Variants in BICC1 observed in about 807,000 individuals in gnomAD.
BICC1 encodes BicC family RNA binding protein 1.
Under a neutral mutation model 111.0 loss-of-function variants are expected in BICC1, and 43 were observed. The observed-to-expected ratio is 0.39, with a 90% CI of 0.30 to 0.50. The LOEUF (loss-of-function observed/expected upper bound fraction) is 0.50, where lower values mean the gene tolerates loss of function less well. Ranked by LOEUF, BICC1 falls within the 20% of genes least tolerant of loss-of-function variation. The pLI is 0.88. For synonymous variants in BICC1, 467 were observed against 434.4 expected (o/e 1.07, Z -0.93); for missense variants, 1,091 against 1,203.2 (o/e 0.91, Z 1.38).
chr10:58,799,345 G>A, intron 12 of BICC1, 93 bp downstream of exon 12: 13 of 961,070 alleles, frequency 1.4e-5, no homozygotes, highest in Non-Finnish European at 1.9e-5. Flanking sequence ...ATGTGTGTGT[G>A]TGATCTCTGC....
At chr10:58,600,726 G>C (rs967861157) in intron 1 of BICC1, among the ~76,000 whole-genome samples, 3 of 152,028 alleles carry the variant, frequency 2.0e-5, no homozygotes, top group African/African-American at 4.8e-5. Flanking sequence ...AGCCTGCTCA[G>C]TGTGCAGGTA....
At chr10:58,682,869 C>T (rs1316888937) in intron 2 of BICC1, among the ~76,000 whole-genome samples, 1 of 152,128 alleles carries the variant, frequency 6.6e-6, no homozygotes, top group East Asian at 1.9e-4. Context: ...TTGCTGTGTG[C>T]AGAAGATATT....
At chr10:58,581,133 T>C (rs1425324295) in intron 1 of BICC1, among the ~76,000 whole-genome samples, 3 of 152,170 alleles carry the variant, frequency 2.0e-5, no homozygotes, top group Non-Finnish European at 2.9e-5. Flanking sequence ...AATAAGAATC[T>C]CTTTGTAGCT....
intron 17 of BICC1, among the ~76,000 whole-genome samples, chr10:58,809,954 A>G (rs987057838): frequency 6.6e-6 from 1 of 152,228 alleles, no homozygotes; most frequent in African/African-American, 2.4e-5. Flanking sequence ...CCATAGTTTT[A>G]TGAACATAAG....
chr10:58,544,765 TG>T (rs1345993585), intron 1 of BICC1, among the ~76,000 whole-genome samples: 1 of 152,162 alleles, frequency 6.6e-6, no homozygotes, highest in Non-Finnish European at 1.5e-5. Context: ...CAGGTTGAAT[TG>T]TGTCTCCCTT....
At chr10:58,728,899 T>C (rs559827304) in intron 3 of BICC1, among the ~76,000 whole-genome samples, 1 of 152,160 alleles carries the variant, frequency 6.6e-6, no homozygotes, top group African/African-American at 2.4e-5. Context: ...AGGAATCTTT[T>C]TTTTCTGAGC....
intron 3 of BICC1, among the ~76,000 whole-genome samples, chr10:58,749,439 T>A (rs1421205473): frequency 2.0e-5 from 3 of 152,140 alleles, no homozygotes; most frequent in Non-Finnish European, 4.4e-5. Flanking sequence ...TCAGTCTGTC[T>A]CCTCCTTTGA....
intron 3 of BICC1, among the ~76,000 whole-genome samples, chr10:58,754,182 T>C (rs1842073172): frequency 6.6e-6 from 1 of 152,250 alleles, no homozygotes; most frequent in South Asian, 2.1e-4. Context: ...AGTGTTCATG[T>C]ACAGCTCAAA....
In BICC1 at chr10:58,545,456, T is replaced by C. The variant is rs113947496; in HGVS notation, c.190+32123T>C. ...TAAATAATAATCAGACTTTTTCTTT[T>C]ATTCAGGAGTCTGTGAGTTTGTGTA... On this transcript the variant is annotated intron_variant, in intron 1 of 20. Coordinates refer to ENST00000373886, the MANE Select transcript of BICC1 (RefSeq NM_001080512.3). 5.2e-3 allele frequency among the ~76,000 whole-genome samples: 792 copies of C among 152,298 alleles called. 4 individuals are homozygous for C. The highest frequency in any genetic ancestry group is 0.018 in the African/African-American group (756 of 41,574).
At chr10:58,612,211 C>T (rs1845448321) in intron 1 of BICC1, among the ~76,000 whole-genome samples, 1 of 152,272 alleles carries the variant, frequency 6.6e-6, no homozygotes. Flanking sequence ...AAGAATGAAC[C>T]TAATGACTAC....
chr10:58,652,140 T>A (rs1179837375), intron 2 of BICC1, among the ~76,000 whole-genome samples: 1 of 152,188 alleles, frequency 6.6e-6, no homozygotes, highest in Non-Finnish European at 1.5e-5. Context: ...TACCTTTTTT[T>A]AAATTGGTCA....
intron 3 of BICC1, among the ~76,000 whole-genome samples, chr10:58,760,844 A>G (rs955573375): frequency 7.2e-5 from 11 of 152,180 alleles, no homozygotes; most frequent in Admixed American, 6.5e-4. Flanking sequence ...TGTATTGTCT[A>G]TAGAAAAGAC....
At chr10:58,675,758 A>G (rs1435146928) in intron 2 of BICC1, among the ~76,000 whole-genome samples, 1 of 152,234 alleles carries the variant, frequency 6.6e-6, no homozygotes, top group African/African-American at 2.4e-5. Flanking sequence ...ATACCAAATC[A>G]TTATTTTGTA....
At chr10:58,569,437 A>C (rs1843874262) in intron 1 of BICC1, among the ~76,000 whole-genome samples, 1 of 152,210 alleles carries the variant, frequency 6.6e-6, no homozygotes, top group Non-Finnish European at 1.5e-5. Context: ...ACATGTGCAG[A>C]ATGTGCAGGT....
chr10:58,703,663 A>G (rs545033364), intron 3 of BICC1, among the ~76,000 whole-genome samples: 2 of 152,342 alleles, frequency 1.3e-5, no homozygotes, highest in South Asian at 4.1e-4. Context: ...CTCATTATGC[A>G]GAAGAAGAAA....
At chr10:58,781,495 A>G (rs1228959043) in intron 3 of BICC1, among the ~76,000 whole-genome samples, 1 of 152,174 alleles carries the variant, frequency 6.6e-6, no homozygotes, top group Non-Finnish European at 1.5e-5. Flanking sequence ...AATGTCTCAA[A>G]ACCTTTATGC....
At chr10:58,611,688 C>A (rs955378857) in intron 1 of BICC1, among the ~76,000 whole-genome samples, 23 of 151,876 alleles carry the variant, frequency 1.5e-4, no homozygotes, top group African/African-American at 5.1e-4. Context: ...CAGGGTTTCA[C>A]CATGCTGCGT....
intron 3 of BICC1, among the ~76,000 whole-genome samples, chr10:58,763,635 G>A (rs1288851471): frequency 6.6e-6 from 1 of 152,158 alleles, no homozygotes; most frequent in Non-Finnish European, 1.5e-5. Context: ...CTGGTGATCT[G>A]TTAACCTTTG....
chr10:58,589,673 G>A (rs967037081), intron 1 of BICC1, among the ~76,000 whole-genome samples: 72 of 152,018 alleles, frequency 4.7e-4, no homozygotes, highest in East Asian at 1.9e-4. Flanking sequence ...ACAAGGTCTC[G>A]CTATGTTGTC....
Sources: gnomAD v4.1 joint callset for allele counts (sites outside exome capture counted in the v4.1 genomes callset) on GRCh38, gnomAD v4.1.1 for gene constraint, MANE v1.5 for transcripts, NCBI Gene and HGNC (gene_info 2026-07-23, HGNC 2026-07-21) for gene names.